The following PKP2 variants were observed in gnomAD, a reference collection of about 807,000 sequenced individuals.
PKP2 encodes the protein plakophilin-2.
Under a neutral mutation model 83.4 loss-of-function variants are expected in PKP2, and 73 were observed. That is an observed-to-expected ratio of 0.88 (90% CI 0.72 to 1.06). PKP2 has a LOEUF of 1.06. PKP2 is among the 50% of genes least tolerant of loss of function. The pLI is 0.00. For synonymous variants in PKP2, 409 were observed against 430.4 expected (o/e 0.95, Z 0.62); for missense variants, 966 against 1,065.4 (o/e 0.91, Z 1.30).
chr12:32,888,972 C>T (rs1429020734), intron 1 of PKP2, among the ~76,000 whole-genome samples: 2 of 152,142 alleles, frequency 1.3e-5, no homozygotes, highest in African/African-American at 4.8e-5. Flanking sequence ...TACTTTAAAT[C>T]CACCAAATCT....
At position 32,869,063 on chromosome 12, in the gene PKP2, C is replaced by G; in HGVS notation, c.1035-1G>C. The G allele has an allele frequency of 1.9e-6, 3 of 1,613,852 alleles. No individual in the cohort carries two copies. The South Asian group carries it at 3.3e-5, about 18-fold the overall frequency. ...CAGAGTCATCTCCATGTCTGCATTC[C>G]TAGACAAACAGGCACAGATTCAGCC... On this transcript the variant is annotated splice_acceptor_variant, in intron 3 of 12. Transcript: ENST00000340811. LOFTEE classifies it high-confidence loss of function.
intron 1 of PKP2, among the ~76,000 whole-genome samples, chr12:32,883,292 C>A (rs887149351): frequency 2.6e-5 from 4 of 152,176 alleles, no homozygotes; most frequent in South Asian, 2.1e-4. Flanking sequence ...ATACTGCAGA[C>A]TAATTTGCCT....
intron 3 of PKP2, among the ~76,000 whole-genome samples, chr12:32,874,749 CTTA>C (rs1956919215): frequency 6.6e-6 from 1 of 152,098 alleles, no homozygotes. Context: ...TCACCATATA[CTTA>C]TTTTTTGAAA....
At chr12:32,818,300 T>C (rs1420247735) in intron 9 of PKP2, among the ~76,000 whole-genome samples, 1 of 152,006 alleles carries the variant, frequency 6.6e-6, no homozygotes, top group Non-Finnish European at 1.5e-5. Flanking sequence ...GTCTCTACTA[T>C]AAATACAGAA....
At chr12:32,889,443 T>C (rs1375630796) in intron 1 of PKP2, among the ~76,000 whole-genome samples, 1 of 152,188 alleles carries the variant, frequency 6.6e-6, no homozygotes, top group Non-Finnish European at 1.5e-5. Flanking sequence ...GAGGTTATTT[T>C]CTCTTCCAAA....
intron 3 of PKP2, among the ~76,000 whole-genome samples, chr12:32,873,946 A>G (rs1288912194): frequency 1.3e-5 from 2 of 152,124 alleles, no homozygotes; most frequent in East Asian, 3.8e-4. Context: ...ATTCATCTAT[A>G]ATTTTTTTTG....
At chr12:32,818,267 G>A (rs962588153) in intron 9 of PKP2, among the ~76,000 whole-genome samples, 2 of 152,196 alleles carry the variant, frequency 1.3e-5, no homozygotes, top group African/African-American at 4.8e-5. Context: ...TTCGAGACCA[G>A]CCTGGCTGAC....
chr12:32,875,592 T>C (rs1592762133), intron 3 of PKP2, among the ~76,000 whole-genome samples: 2 of 152,180 alleles, frequency 1.3e-5, no homozygotes, highest in Admixed American at 1.3e-4. Context: ...CAATCACATG[T>C]GGAAAGATAA....
At chr12:32,804,699 C>T (rs1464326724) in intron 9 of PKP2, among the ~76,000 whole-genome samples, 1 of 152,178 alleles carries the variant, frequency 6.6e-6, no homozygotes, top group African/African-American at 2.4e-5. Flanking sequence ...TTCAATCTAT[C>T]ACTGGTGGGC....
intron 4 of PKP2, among the ~76,000 whole-genome samples, chr12:32,861,910 G>A (rs1956801413): frequency 6.6e-6 from 1 of 152,152 alleles, no homozygotes; most frequent in South Asian, 2.1e-4. Context: ...TTCTTTCTTT[G>A]AGACAGAGAG....
At chr12:32,831,138 G>A (rs1956497335) in intron 6 of PKP2, among the ~76,000 whole-genome samples, 1 of 152,104 alleles carries the variant, frequency 6.6e-6, no homozygotes, top group Admixed American at 6.5e-5. Flanking sequence ...ACTTGAATAA[G>A]CATTCTTGAC....
At chr12:32,847,051 T>C (rs994289786) in intron 5 of PKP2, among the ~76,000 whole-genome samples, 2 of 150,394 alleles carry the variant, frequency 1.3e-5, no homozygotes, top group Admixed American at 6.6e-5. Flanking sequence ...GAAATAGGGA[T>C]AAAAAAACAG....
chr12:32,822,587 C>A lies in PKP2; in HGVS notation c.1719G>T (p.Gln573His). 6.2e-7 allele frequency: 1 copy of A among 1,614,082 alleles called. No homozygotes were observed. Among genetic ancestry groups the A allele is most frequent in the Non-Finnish European group, 8.5e-7 (1 of 1,179,984 alleles). ...ATTTCTCTGGGAGCTCTGCCTCCAG[C>A]TGGTAGGAGAGGTTATGAAGAATGC... ...CVCILHNLSY[Q>H]LEAELPEKYS... Residue 573 changes from glutamine (Q) to histidine (H), a missense_variant, in exon 8 of 13, where the codon CAG becomes CAT. Physicochemically the swap from Gln to His is conservative, Grantham distance 24 (BLOSUM62 0). Transcript: ENST00000340811.
chr12:32,843,124 C>T (rs141138287), intron 5 of PKP2: 8 of 410,450 alleles, frequency 1.9e-5, no homozygotes, highest in Admixed American at 2.5e-5. Flanking sequence ...GGATTACAGG[C>T]GCAGACCACG....
chr12:32,890,677 G>A (rs1376446096), intron 1 of PKP2, among the ~76,000 whole-genome samples: 2 of 152,140 alleles, frequency 1.3e-5, no homozygotes, highest in East Asian at 3.8e-4. Context: ...AAGATACACA[G>A]GCCGGGTGCG....
intron 9 of PKP2, among the ~76,000 whole-genome samples, chr12:32,812,335 G>C (rs73301781): frequency 0.015 from 2,325 of 151,966 alleles, 51 homozygotes; most frequent in African/African-American, 0.053. Context: ...TCACTTCCAC[G>C]GTAACATGGA....
At chr12:32,882,017 CA>C (rs1410399994) in intron 1 of PKP2, among the ~76,000 whole-genome samples, 3 of 152,096 alleles carry the variant, frequency 2.0e-5, no homozygotes, top group African/African-American at 7.2e-5. Context: ...TGGGAATATG[CA>C]GAAAGGGGAA....
At chr12:32,843,031 G>C (rs1163752183) in intron 5 of PKP2, 1 of 332,696 alleles carries the variant, frequency 3.0e-6, no homozygotes, top group African/African-American at 2.2e-5. Flanking sequence ...CTAGGCTGGA[G>C]TGTAGTGGCA....
At chr12:32,862,192 G>A (rs756008458) in intron 4 of PKP2, among the ~76,000 whole-genome samples, 6 of 151,992 alleles carry the variant, frequency 3.9e-5, no homozygotes, top group Non-Finnish European at 7.4e-5. Context: ...CCACCACGCC[G>A]TGGCCAACTT....
Sources: allele counts gnomAD v4.1 joint callset (sites outside exome capture counted in the v4.1 genomes callset), GRCh38; gene constraint gnomAD v4.1.1; transcripts MANE v1.5; gene names NCBI Gene and HGNC (gene_info 2026-07-23, HGNC 2026-07-21).